Variants in CFAP54 observed in about 807,000 individuals in gnomAD.
The protein encoded by CFAP54 is cilia and flagella associated protein 54.
CFAP54 carries 290 observed loss-of-function variants against 370.4 expected under a neutral mutation model. The ratio of observed to expected loss-of-function variants is 0.78; its 90% CI spans 0.71 to 0.86. CFAP54 has a LOEUF of 0.86. Ranked by LOEUF, CFAP54 falls within the 40% of genes least tolerant of loss-of-function variation. The pLI is 0.00. For synonymous variants in CFAP54, 1,206 were observed against 1,236.5 expected (o/e 0.98, Z 0.52); for missense variants, 3,399 against 3,528.7 (o/e 0.96, Z 0.93).
chr12:96,853,543 A>T (rs1157995694), intron 66 of CFAP54, among the ~76,000 whole-genome samples: 1 of 152,194 alleles, frequency 6.6e-6, no homozygotes, highest in Non-Finnish European at 1.5e-5. Context: ...CAATCAGAAG[A>T]ATTTTTACTT....
intron 56 of CFAP54, 73 bp downstream of exon 56, chr12:96,753,971 G>GA (rs1274412343): frequency 4.1e-6 from 6 of 1,480,986 alleles, no homozygotes; most frequent in Non-Finnish European, 4.6e-6. Flanking sequence ...CAGGATTCTT[G>GA]AAAATCTGGT....
rs750847370 is a variant in CFAP54 at position 96,649,994 on chromosome 12, TA to T, written c.4797del (p.Glu1600LysfsTer10). On this transcript the variant is annotated frameshift_variant, in exon 35 of 68. Coordinates refer to ENST00000524981, the MANE Select transcript of CFAP54 (RefSeq NM_001306084.2). LOFTEE classifies it high-confidence loss of function. ...DSDSQSGSSA[K>X]EKDRGANLCV... The stretch of plus-strand genomic sequence containing the variant: ...CAGACTCTCAATCAGGTTCTAGTGC[TA>T]AAGAAAAGGACCGAGGAGCAAATTT... 6.2e-7 allele frequency: 1 copy of T among 1,613,758 alleles called. No homozygotes were observed. The highest frequency in any genetic ancestry group is 8.5e-7 in the Non-Finnish European group (1 of 1,179,858).
At chr12:96,794,620 C>G (rs1255328789) in intron 63 of CFAP54, among the ~76,000 whole-genome samples, 2 of 152,016 alleles carry the variant, frequency 1.3e-5, no homozygotes, top group East Asian at 3.9e-4. Context: ...GTCTATTTCT[C>G]TGAAGATTTT....
At chr12:96,556,676 G>A (rs145921400) in intron 17 of CFAP54, among the ~76,000 whole-genome samples, 3,678 of 152,186 alleles carry the variant, frequency 0.024, 62 homozygotes, top group Non-Finnish European at 0.037. Flanking sequence ...TGGTAGACTG[G>A]ATAAAGAAAA....
intron 63 of CFAP54, among the ~76,000 whole-genome samples, chr12:96,801,113 C>A (rs1380432984): frequency 1.3e-5 from 2 of 152,186 alleles, no homozygotes; most frequent in Non-Finnish European, 2.9e-5. Flanking sequence ...AGTTTATTCA[C>A]CACATTGAAG....
intron 50 of CFAP54, among the ~76,000 whole-genome samples, chr12:96,726,990 G>A (rs1957849207): frequency 6.6e-6 from 1 of 152,224 alleles, no homozygotes. Flanking sequence ...GCGATTTTGA[G>A]TGAGTTTCTT....
chr12:96,594,488 A>G, intron 25 of CFAP54, 42 bp downstream of exon 25: 1 of 1,378,016 alleles, frequency 7.3e-7, no homozygotes. Flanking sequence ...ATCTTTATAA[A>G]GGCAACTTAA....
rs766920618 is a variant in CFAP54 at position 96,708,801 on chromosome 12, A to C, written c.6722A>C (p.Glu2241Ala). The change falls in exon 48 of 68, where the codon GAA becomes GCA. Residue 2241 changes from glutamate (E) to alanine (A), a missense_variant and splice_region_variant. By Grantham distance (107) the Glu-to-Ala change is moderately radical. This residue lies in a region of CFAP54 where 2,796 missense variants were observed against 2,869.7 expected (regional missense o/e 0.97). Transcript: ENST00000524981. ...NKSKPNLPNLEEIYSKDDGSS... is the reference protein window; with the variant it reads ...NKSKPNLPNLAEIYSKDDGSS... ...AGCAAACCAAACCTACCAAACTTGGAAGGTAATTGTTTTATTTTTTGCTTA... is the reference window on the plus strand; with the variant it reads ...AGCAAACCAAACCTACCAAACTTGGCAGGTAATTGTTTTATTTTTTGCTTA... 3.8e-6 allele frequency: 6 copies of C among 1,590,286 alleles called. No individual in the cohort carries two copies. The highest frequency in any genetic ancestry group is 2.2e-5 in the East Asian group (1 of 44,474).
intron 8 of CFAP54, among the ~76,000 whole-genome samples, chr12:96,525,357 G>C (rs1029383257): frequency 3.3e-5 from 5 of 151,460 alleles, no homozygotes; most frequent in African/African-American, 1.2e-4. Context: ...TTTCATACTT[G>C]ACAATCCATT....
At chr12:96,545,025 C>A (rs1047305356) in intron 14 of CFAP54, among the ~76,000 whole-genome samples, 3 of 152,008 alleles carry the variant, frequency 2.0e-5, no homozygotes, top group African/African-American at 7.2e-5. Flanking sequence ...GATTCTTTTG[C>A]CTCAGCCTCC....
At position 96,828,577 on chromosome 12, in the gene CFAP54, G is replaced by A. The variant is rs114772388; in HGVS notation, c.9097-437G>A. Among the ~76,000 whole-genome samples, 1,122 of 152,240 alleles carry A rather than the reference G, an allele frequency of 7.4e-3. 13 individuals carry two copies. Among genetic ancestry groups the A allele is most frequent in the African/African-American group, 0.026 (1,064 of 41,544 alleles). On this transcript the variant is annotated intron_variant, in intron 65 of 67. Coordinates refer to ENST00000524981, the MANE Select transcript of CFAP54 (RefSeq NM_001306084.2). ...CCTGTCTGTGGGTAGGTCCCTTGTGGATTGGGTGTCCACACATGAACATGG... is the reference window on the plus strand; with the variant it reads ...CCTGTCTGTGGGTAGGTCCCTTGTGAATTGGGTGTCCACACATGAACATGG...
At chr12:96,699,856 C>G (rs1283892975) in intron 45 of CFAP54, 115 bp from the exon 46 acceptor site, 19 of 827,226 alleles carry the variant, frequency 2.3e-5, no homozygotes, top group Non-Finnish European at 3.4e-5. Context: ...AATGCATTAC[C>G]AACATTAAGC....
chr12:96,557,044 G>A (rs886344244), intron 17 of CFAP54, among the ~76,000 whole-genome samples: 3 of 152,072 alleles, frequency 2.0e-5, no homozygotes, highest in Admixed American at 6.6e-5. Flanking sequence ...ATGTACCCCC[G>A]AACTTAAAGC....
intron 32 of CFAP54, among the ~76,000 whole-genome samples, chr12:96,633,814 C>T (rs753852848): frequency 2.0e-5 from 3 of 152,078 alleles, no homozygotes; most frequent in Non-Finnish European, 4.4e-5. Context: ...AGTGCAATTG[C>T]TTGGTCGAAT....
intron 38 of CFAP54, among the ~76,000 whole-genome samples, chr12:96,660,684 A>C (rs1360241857): frequency 2.0e-5 from 3 of 152,220 alleles, no homozygotes; most frequent in African/African-American, 7.2e-5. Context: ...TCAGTTCTGC[A>C]GTGGACACCA....
chr12:96,620,884 T>C (rs148480357), intron 26 of CFAP54, among the ~76,000 whole-genome samples: 34 of 152,320 alleles, frequency 2.2e-4, no homozygotes, highest in African/African-American at 8.2e-4. Context: ...TGTAACACAA[T>C]GGTGACTGTC....
intron 9 of CFAP54, 47 bp from the exon 10 acceptor site, chr12:96,533,745 A>G: frequency 7.6e-7 from 1 of 1,319,300 alleles, no homozygotes; most frequent in Non-Finnish European, 1.0e-6. Context: ...TTTAATAAAT[A>G]TTTATTTGCA....
intron 9 of CFAP54, among the ~76,000 whole-genome samples, chr12:96,528,816 T>G (rs566537220): frequency 1.6e-4 from 24 of 152,158 alleles, no homozygotes; most frequent in Admixed American, 5.2e-4. Flanking sequence ...TTATTATACT[T>G]TCTTGGGTTT....
At chr12:96,857,398 T>G (rs910406752) in intron 66 of CFAP54, among the ~76,000 whole-genome samples, 1 of 152,212 alleles carries the variant, frequency 6.6e-6, no homozygotes, top group African/African-American at 2.4e-5. Context: ...TATTTGGTTT[T>G]CTGTTCCTGC....
Sources: allele counts gnomAD v4.1 joint callset (sites outside exome capture counted in the v4.1 genomes callset), GRCh38; gene constraint gnomAD v4.1.1; regional missense constraint gnomAD v4.1.1; transcripts MANE v1.5; gene names NCBI Gene and HGNC (gene_info 2026-07-23, HGNC 2026-07-21).